CPEB3: variants seen among roughly 807,000 people sequenced by gnomAD.
The protein encoded by CPEB3 is cytoplasmic polyadenylation element binding protein 3.
A neutral mutation model predicts 67.2 loss-of-function variants in CPEB3; 20 were observed. The observed-to-expected ratio is 0.30, with a 90% CI of 0.21 to 0.43. The LOEUF (loss-of-function observed/expected upper bound fraction) is 0.43. CPEB3 is among the 20% of genes least tolerant of loss of function. CPEB3 has a pLI of 1.00. For missense variants in CPEB3, 746 were observed against 968.6 expected (o/e 0.77, Z 3.05); for synonymous variants, 376 against 393.1 (o/e 0.96, Z 0.51).
intron 1 of CPEB3, among the ~76,000 whole-genome samples, chr10:92,270,282 G>C (rs1161487693): frequency 6.6e-6 from 1 of 152,210 alleles, no homozygotes; most frequent in African/African-American, 2.4e-5. Context: ...CCCTGGTTTA[G>C]GGGGTCAGAA....
At chr10:92,056,218 C>T (rs559687592) in intron 9 of CPEB3, among the ~76,000 whole-genome samples, 4 of 152,240 alleles carry the variant, frequency 2.6e-5, no homozygotes, top group African/African-American at 9.6e-5. Context: ...ACAAGACACA[C>T]ACCACGATGC....
At chr10:92,288,209 T>C (rs541599310) in intron 1 of CPEB3, among the ~76,000 whole-genome samples, 1 of 152,142 alleles carries the variant, frequency 6.6e-6, no homozygotes, top group Non-Finnish European at 1.5e-5. Context: ...CCTGTAATCC[T>C]AGCATTTTGG....
chr10:92,194,040 C>T (rs1375336454), intron 2 of CPEB3, among the ~76,000 whole-genome samples: 1 of 151,828 alleles, frequency 6.6e-6, no homozygotes, highest in Non-Finnish European at 1.5e-5. Flanking sequence ...TCGTGATCCA[C>T]CGGCCTCGGC....
chr10:92,057,452 T>C (rs757265911), intron 9 of CPEB3, among the ~76,000 whole-genome samples: 1 of 152,204 alleles, frequency 6.6e-6, no homozygotes, highest in Non-Finnish European at 1.5e-5. Flanking sequence ...CCAGGTAGAC[T>C]TCTAAGGTTT....
intron 9 of CPEB3, among the ~76,000 whole-genome samples, chr10:92,063,284 TA>T (rs1371887074): frequency 6.6e-6 from 1 of 152,212 alleles, no homozygotes. Flanking sequence ...GAATAGACAC[TA>T]GGGAGACCGT....
intron 4 of CPEB3, among the ~76,000 whole-genome samples, chr10:92,160,879 A>G (rs1216197517): frequency 1.3e-5 from 2 of 152,166 alleles, no homozygotes; most frequent in African/African-American, 4.8e-5. Context: ...CAAAAGACCT[A>G]CCTGGGAGTT....
chr10:92,136,549 T>C (rs1846105286), intron 6 of CPEB3, among the ~76,000 whole-genome samples: 1 of 152,098 alleles, frequency 6.6e-6, no homozygotes, highest in Admixed American at 6.6e-5. Flanking sequence ...GGATCATGTC[T>C]GAGAGTGAGT....
intron 9 of CPEB3, among the ~76,000 whole-genome samples, chr10:92,061,716 T>C (rs551190313): frequency 2.1e-4 from 32 of 152,226 alleles, no homozygotes; most frequent in Admixed American, 1.6e-3. Flanking sequence ...GAGATGGAGA[T>C]GGATAATGGG....
intron 4 of CPEB3, among the ~76,000 whole-genome samples, chr10:92,160,538 T>C (rs1847423960): frequency 6.6e-6 from 1 of 152,188 alleles, no homozygotes; most frequent in African/African-American, 2.4e-5. Context: ...TCCCCAATGA[T>C]GTTATGCTGC....
At chr10:92,211,572 T>A (rs1850085868) in intron 2 of CPEB3, among the ~76,000 whole-genome samples, 1 of 151,628 alleles carries the variant, frequency 6.6e-6, no homozygotes, top group African/African-American at 2.4e-5. Context: ...AGTCTCGCTC[T>A]GTTGCCCAGG....
In CPEB3 at chr10:92,052,120, GA is replaced by G. The variant is rs1387763307; in HGVS notation, c.*91del. The G allele has an allele frequency of 7.8e-6, 6 of 765,374 alleles. No individual in the cohort carries two copies. 47.4% of individuals were successfully genotyped at this position (765,374 alleles called of 1,614,324 possible). Reference sequence around the variant, plus strand: ...TTTAAAAATCGAGAACGAATGCACAGATTTCCAGAACACTGTAAGCCCTGAG... The same window carrying G: ...TTTAAAAATCGAGAACGAATGCACAGTTTCCAGAACACTGTAAGCCCTGAG... On this transcript the variant is annotated 3_prime_UTR_variant, in exon 10 of 10. Coordinates refer to ENST00000265997, the MANE Select transcript of CPEB3 (RefSeq NM_014912.5).
chr10:92,137,343 T>C, intron 6 of CPEB3: 1 of 908,584 alleles, frequency 1.1e-6, no homozygotes, highest in East Asian at 2.6e-5. Context: ...ATATATCTGA[T>C]ATGCTTAACC....
chr10:92,143,934 G>C (rs183683061), intron 5 of CPEB3, among the ~76,000 whole-genome samples: 2 of 152,232 alleles, frequency 1.3e-5, no homozygotes, highest in African/African-American at 4.8e-5. Flanking sequence ...ATGAAAAAAG[G>C]AAATCATGAT....
At chr10:92,234,908 G>A (rs1851453673) in intron 2 of CPEB3, among the ~76,000 whole-genome samples, 2 of 152,102 alleles carry the variant, frequency 1.3e-5, no homozygotes, top group Non-Finnish European at 2.9e-5. Context: ...CTGGGCGACA[G>A]AGCACGACTC....
rs112833387 is a variant in CPEB3 at position 92,222,611 on chromosome 10, G to A, written c.1005+16735C>T. Among the ~76,000 whole-genome samples, 445 of 152,252 alleles carry A rather than the reference G, an allele frequency of 2.9e-3. 3 individuals are homozygous for A. The highest frequency in any genetic ancestry group is 9.9e-3 in the African/African-American group (411 of 41,572). ...AAAACTTTGCATTGGGTGCCATGTT[G>A]TTGGGTGCCATGTAGCAGTGCTTTT... is the stretch of plus-strand genomic sequence containing the variant. On this transcript the variant is annotated intron_variant, in intron 2 of 9. Coordinates refer to ENST00000265997, the MANE Select transcript of CPEB3 (RefSeq NM_014912.5).
intron 2 of CPEB3, among the ~76,000 whole-genome samples, chr10:92,223,840 C>T (rs1364242862): frequency 6.6e-6 from 1 of 151,846 alleles, no homozygotes; most frequent in Non-Finnish European, 1.5e-5. Context: ...CCTCCAACTC[C>T]CGGATTCAAG....
At chr10:92,159,927 A>C (rs11186841) in intron 4 of CPEB3, among the ~76,000 whole-genome samples, 52,711 of 150,632 alleles carry the variant, frequency 0.35, 10,225 homozygotes, top group African/African-American at 0.51. Context: ...TGTACTACAA[A>C]CCTCAATGAA....
intron 9 of CPEB3, among the ~76,000 whole-genome samples, chr10:92,071,441 C>T (rs918853148): frequency 6.6e-6 from 1 of 151,974 alleles, no homozygotes; most frequent in African/African-American, 2.4e-5. Flanking sequence ...TAAAAATTTT[C>T]TCATGACTGT....
chr10:92,257,738 T>G (rs1852582458), intron 1 of CPEB3, among the ~76,000 whole-genome samples: 1 of 151,072 alleles, frequency 6.6e-6, no homozygotes, highest in Non-Finnish European at 1.5e-5. Context: ...CTTTTTTTTT[T>G]TTTTTTTTGA....
Sources: allele counts gnomAD v4.1 joint callset (sites outside exome capture counted in the v4.1 genomes callset), GRCh38; gene constraint gnomAD v4.1.1; transcripts MANE v1.5; gene names NCBI Gene and HGNC (gene_info 2026-07-23, HGNC 2026-07-21).